GNL1: variants seen among roughly 807,000 people sequenced by gnomAD.
GNL1 encodes the protein G protein nucleolar 1.
Under a neutral mutation model 75.2 loss-of-function variants are expected in GNL1, and 21 were observed. That is an observed-to-expected ratio of 0.28 (90% confidence interval 0.20 to 0.40). The LOEUF is 0.40. Among genes scored for constraint, GNL1 ranks in the 10% least tolerant of loss-of-function variants. The probability of loss-of-function intolerance (pLI) is 1.00; values close to 1 mark genes in which losing one functional copy is unlikely to be tolerated. For synonymous variants in GNL1, 287 were observed against 303.4 expected (o/e 0.95, Z 0.56); for missense variants, 579 against 775.0 (o/e 0.75, Z 3.00).
At position 30,543,125 on chromosome 6, in the gene GNL1, A is replaced by C. The variant is rs1270193338; in HGVS notation, c.*2947T>G. 2.0e-5 allele frequency: 3 copies of C among 152,284 alleles called. No homozygotes were observed. The highest frequency in any genetic ancestry group is 4.8e-5 in the African/African-American group (2 of 41,438). The allele number at this position is 152,284 out of a possible 1,614,324, so 9.4% of individuals were successfully genotyped here. ...AGGACGCTTCCCCTGATTCACCAAG[A>C]CCAGCTTAACTGCCCCTACTGGCTG... is the stretch of plus-strand genomic sequence containing the variant. On this transcript the variant is annotated 3_prime_UTR_variant, in exon 12 of 12. Coordinates refer to ENST00000376621, the MANE Select transcript of GNL1 (RefSeq NM_005275.5).
Position 30,555,679 on chromosome 6 carries a change from C to T in GNL1, c.115G>A (p.Gly39Arg), listed in dbSNP as rs1488014490. ...TGTTCCTCTCGCCGCTCCCGGCTCC[C>T]GCTGCGGCTGTTGGAACTGGAGCGC... ...GLRSSSNSRSGSRERREEQTD... is the reference protein window; with the variant it reads ...GLRSSSNSRSRSRERREEQTD... Residue 39 changes from glycine (G) to arginine (R), a missense_variant, in exon 2 of 12, where the codon GGG becomes AGG. By Grantham distance (125) the Gly-to-Arg change is moderately radical. Transcript: ENST00000376621. The surrounding 1 kb of genome is among the most constrained non-coding windows in gnomAD (Gnocchi z 4.3). 2.5e-6 allele frequency: 4 copies of T among 1,613,724 alleles called. No individual in the cohort carries two copies. Among genetic ancestry groups the T allele is most frequent in the Admixed American group, 3.3e-5 (2 of 59,998 alleles).
chr6:30,550,526 CTTAT>C (rs950489851), intron 8 of GNL1, among the ~76,000 whole-genome samples: 20 of 152,288 alleles, frequency 1.3e-4, no homozygotes, highest in Admixed American at 1.3e-3. Context: ...CTAAGCAACT[CTTAT>C]TTCTCTCCTA....
In GNL1 at chr6:30,552,195, G is replaced by A; in HGVS notation, c.1099+272C>T. 1 of 459,172 alleles carries A rather than the reference G, an allele frequency of 2.2e-6. No individual in the cohort carries two copies. The allele number at this position is 459,172 out of a possible 1,614,324, so 28.4% of individuals were successfully genotyped here. A position where few individuals can be genotyped will look rare whatever the true frequency, so the allele number is the denominator to read the frequency against. On this transcript the variant is annotated intron_variant, in intron 8 of 11. Transcript: ENST00000376621. This position sits in a 1 kb window ranked among gnomAD's most constrained non-coding sequence, Gnocchi z 4.5. ...TCCATTCTTTTACTCAGGTATCAAT[G>A]TCCTTATTTTTAAAATCAAAGTAAC...
chr6:30,552,764 G>T lies in GNL1; in HGVS notation c.905-103C>A. On this transcript the variant is annotated intron_variant, in intron 7 of 11. Coordinates refer to ENST00000376621, the MANE Select transcript of GNL1 (RefSeq NM_005275.5). This position sits in a 1 kb window ranked among gnomAD's most constrained non-coding sequence, Gnocchi z 4.5. Reference sequence around the variant, plus strand: ...GATTATGTAACTGGCACCCTCTGGAGTTGTACAGTGCCAACCTAAATAAGA... The same window carrying T: ...GATTATGTAACTGGCACCCTCTGGATTTGTACAGTGCCAACCTAAATAAGA... The T allele has an allele frequency of 9.6e-7, 1 of 1,038,740 alleles. No homozygotes were observed. Among genetic ancestry groups the T allele is most frequent in the Non-Finnish European group, 1.4e-6 (1 of 712,106 alleles). 64.3% of individuals were successfully genotyped at this position (1,038,740 alleles called of 1,614,324 possible).
At position 30,552,788 on chromosome 6, in the gene GNL1, G is replaced by C. The variant is rs1799876754; in HGVS notation, c.905-127C>G. The stretch of plus-strand genomic sequence containing the variant: ...AGTTGTACAGTGCCAACCTAAATAA[G>C]AGCAGGTCAGAGAATCTCCCAAAAG... On this transcript the variant is annotated intron_variant, in intron 7 of 11. Coordinates refer to ENST00000376621, the MANE Select transcript of GNL1 (RefSeq NM_005275.5). The surrounding 1 kb of genome is among the most constrained non-coding windows in gnomAD (Gnocchi z 4.5). 1.3e-6 allele frequency: 1 copy of C among 793,434 alleles called. No homozygotes were observed. Among genetic ancestry groups the C allele is most frequent in the South Asian group, 1.8e-5 (1 of 54,928 alleles). The allele number at this position is 793,434 out of a possible 1,614,324, so 49.1% of individuals were successfully genotyped here.
chr6:30,553,615 T>C, intron 5 of GNL1, 58 bp from the exon 6 acceptor site: 1 of 1,184,120 alleles, frequency 8.4e-7, no homozygotes, highest in South Asian at 1.2e-5. Flanking sequence ...GTTCTCTGCC[T>C]CCAGCTCCCC....
At chr6:30,553,048 A>G in intron 7 of GNL1, 36 bp downstream of exon 7, 4 of 1,382,024 alleles carry the variant, frequency 2.9e-6, no homozygotes, top group Non-Finnish European at 4.1e-6. Context: ...GGTCTCCCCC[A>G]TGTCCTCCTA....
rs1800189308 is a variant in GNL1, at chr6:30,556,313, GC to G, written c.-111del. The G allele has an allele frequency of 7.9e-7, 1 of 1,272,538 alleles. No homozygotes were observed. The allele number at this position is 1,272,538 out of a possible 1,614,324, so 78.8% of individuals were successfully genotyped here. On this transcript the variant is annotated 5_prime_UTR_variant, in exon 1 of 12. Coordinates refer to ENST00000376621, the MANE Select transcript of GNL1 (RefSeq NM_005275.5). The surrounding 1 kb of genome is among the most constrained non-coding windows in gnomAD (Gnocchi z 5.7). ...GGCCCGGGACCCTAGAGGAGGCGGG[GC>G]TAGCAGGTGACGTCAGCGGGCGGGC... is the stretch of plus-strand genomic sequence containing the variant.
rs1373617435 is a variant in GNL1 at position 30,547,391 on chromosome 6, T to C, written c.1239A>G (p.Pro413=). The C allele has an allele frequency of 2.5e-6, 4 of 1,613,370 alleles. No homozygotes were observed. Among genetic ancestry groups the C allele is most frequent in the Middle Eastern group, 1.7e-4 (1 of 6,056 alleles). ...GCAGAAGAGATGGGAAGATGAGGCCTGGGCAGTCACAGAGCTTCACAGAGG... is the reference window on the plus strand; with the variant it reads ...GCAGAAGAGATGGGAAGATGAGGCCCGGGCAGTCACAGAGCTTCACAGAGG... ...LTPSVKLCDC[P]GLIFPSLLPR... is the part of the protein sequence containing the mutation. The change falls in exon 9 of 12, where the codon CCA becomes CCG. Residue 413 remains proline (P), a synonymous_variant. Coordinates refer to ENST00000376621, the MANE Select transcript of GNL1 (RefSeq NM_005275.5). The surrounding 1 kb of genome is among the most constrained non-coding windows in gnomAD (Gnocchi z 5.5).
Position 30,542,064 on chromosome 6 carries a change from TTTTC to T in GNL1, c.*4004_*4007del, listed in dbSNP as rs1012578827. 1.3e-5 allele frequency: 2 copies of T among 152,344 alleles called. No homozygotes were observed. Among genetic ancestry groups the T allele is most frequent in the Non-Finnish European group, 2.9e-5 (2 of 68,070 alleles). The allele number at this position is 152,344 out of a possible 1,614,324, so 9.4% of individuals were successfully genotyped here. ...TGCATATACTCTGCTCCCTCCATTT[TTTTC>T]TTTCATTGCAATCACTGCCAAACAT... On this transcript the variant is annotated 3_prime_UTR_variant, in exon 12 of 12. Coordinates refer to ENST00000376621, the MANE Select transcript of GNL1 (RefSeq NM_005275.5). The surrounding 1 kb of genome is among the most constrained non-coding windows in gnomAD (Gnocchi z 4.5).
chr6:30,547,441 A>G lies in GNL1; in HGVS notation c.1189T>C (p.Tyr397His). 1 of 1,614,088 alleles carries G rather than the reference A, an allele frequency of 6.2e-7. No homozygotes were observed. Among genetic ancestry groups the G allele is most frequent in the Non-Finnish European group, 8.5e-7 (1 of 1,179,974 alleles). ...GGGGTAAGAAAGTAGGTCTGAAAGT[A>G]TCGGGTATGGCCCGGGGTTCTGGAG... ...SVSRTPGHTR[Y>H]FQTYFLTPSV... The change falls in exon 9 of 12, where the codon TAC becomes CAC. Residue 397 changes from tyrosine (Y) to histidine (H), a missense_variant. By Grantham distance (83) the Tyr-to-His change is moderately conservative (BLOSUM62 2). Coordinates refer to ENST00000376621, the MANE Select transcript of GNL1 (RefSeq NM_005275.5). The surrounding 1 kb of genome is among the most constrained non-coding windows in gnomAD (Gnocchi z 5.5).
At position 30,553,090 on chromosome 6, in the gene GNL1, C is replaced by T; in HGVS notation, c.898G>A (p.Gly300Arg). The T allele has an allele frequency of 6.2e-7, 1 of 1,609,824 alleles. No homozygotes were observed. The highest frequency in any genetic ancestry group is 8.5e-7 in the Non-Finnish European group (1 of 1,176,222). ...TCCTCTAAGGGCCACATACCTTTCC[C>T]CACAGTGATGGCTTCACAGGCTCTC... ...LLRACEAITV[G>R]KVDLSSWREK... The change falls in exon 7 of 12, where the codon GGG becomes AGG. Residue 300 changes from glycine (G) to arginine (R), a missense_variant. Gly to Arg is a moderately radical substitution (Grantham distance 125). Transcript: ENST00000376621.
rs1800198553 is a variant in GNL1 at position 30,556,389 on chromosome 6, T to C, written c.-186A>G. 3 of 633,422 alleles carry C rather than the reference T, an allele frequency of 4.7e-6. No homozygotes were observed. Among genetic ancestry groups the C allele is most frequent in the Non-Finnish European group, 8.3e-6 (3 of 363,528 alleles). The allele number at this position is 633,422 out of a possible 1,614,324, so 39.2% of individuals were successfully genotyped here. A position where few individuals can be genotyped will look rare whatever the true frequency, so the allele number is the denominator to read the frequency against. The stretch of plus-strand genomic sequence containing the variant: ...CGATGGAAGGCGGACGGGGGAGATA[T>C]AGTCACTTCCCTCCAGGAGCGAGGC... On this transcript the variant is annotated 5_prime_UTR_variant, in exon 1 of 12. Transcript: ENST00000376621. This position sits in a 1 kb window ranked among gnomAD's most constrained non-coding sequence, Gnocchi z 5.7.
chr6:30,546,715 T>C lies in GNL1; in HGVS notation c.1563A>G (p.Pro521=). 6.2e-7 allele frequency: 1 copy of C among 1,609,924 alleles called. No individual in the cohort carries two copies. Among genetic ancestry groups the C allele is most frequent in the Non-Finnish European group, 8.5e-7 (1 of 1,177,596 alleles). The change falls in exon 11 of 12, where the codon CCA becomes CCG. Residue 521 remains proline, a synonymous_variant. Transcript: ENST00000376621. The surrounding 1 kb of genome is among the most constrained non-coding windows in gnomAD (Gnocchi z 5.1). ...DGRLSLCFHP[P]GYSEQKGTWE... Reference sequence around the variant, plus strand: ...TCTGACCTTTCTGTTCACTGTAGCCTGGGGGATGAAAACACAGGCTGAGGC... The same window carrying C: ...TCTGACCTTTCTGTTCACTGTAGCCCGGGGGATGAAAACACAGGCTGAGGC...
chr6:30,555,432 G>A lies in GNL1; in HGVS notation c.239+123C>T. 9.5e-7 allele frequency: 1 copy of A among 1,053,060 alleles called. No individual in the cohort carries two copies. Among genetic ancestry groups the A allele is most frequent in the Non-Finnish European group, 1.4e-6 (1 of 715,792 alleles). The allele number at this position is 1,053,060 out of a possible 1,614,324, so 65.2% of individuals were successfully genotyped here. On this transcript the variant is annotated intron_variant, in intron 2 of 11. Coordinates refer to ENST00000376621, the MANE Select transcript of GNL1 (RefSeq NM_005275.5). The surrounding 1 kb of genome is among the most constrained non-coding windows in gnomAD (Gnocchi z 4.3). ...TGTGGCCCGCTGTGGGGAGCCGAGT[G>A]GCTAGCGGAGAACTGTGGCATCCCA...
In GNL1 at chr6:30,547,308, T is replaced by G; in HGVS notation, c.1279-34A>C. ...AATGAGCACTCAGTACTTTCCTCAATGTCCCACCTTCTCTCTTTCCCTTAC... is the reference window on the plus strand; with the variant it reads ...AATGAGCACTCAGTACTTTCCTCAAGGTCCCACCTTCTCTCTTTCCCTTAC... On this transcript the variant is annotated intron_variant, in intron 9 of 11. Transcript: ENST00000376621. The surrounding 1 kb of genome is among the most constrained non-coding windows in gnomAD (Gnocchi z 5.5). 1 of 1,580,938 alleles carries G rather than the reference T, an allele frequency of 6.3e-7. No homozygotes were observed. The highest frequency in any genetic ancestry group is 8.6e-7 in the Non-Finnish European group (1 of 1,163,096).
Position 30,553,535 on chromosome 6 carries a change from A to C in GNL1, c.623T>G (p.Leu208Arg). 4 of 1,612,632 alleles carry C rather than the reference A, an allele frequency of 2.5e-6. No homozygotes were observed. The highest frequency in any genetic ancestry group is 3.4e-6 in the Non-Finnish European group (4 of 1,179,640). ...AAGTTCTCCAGTCACATACTCATAA[A>C]GTGCTGGCGGGAAATTCACAACCTA... ...RHPVVNFPPA[L>R]YEYVTGELGL... Residue 208 changes from leucine to arginine, a missense_variant, in exon 6 of 12, where the codon CTT becomes CGT. Leu to Arg is a moderately radical substitution (Grantham distance 102). Transcript: ENST00000376621.
At chr6:30,549,457 T>C (rs1799638639) in intron 8 of GNL1, among the ~76,000 whole-genome samples, 1 of 152,212 alleles carries the variant, frequency 6.6e-6, no homozygotes, top group Non-Finnish European at 1.5e-5. Flanking sequence ...GAACTGAAAT[T>C]GTGCAGTATG....
Position 30,555,459 on chromosome 6 carries a change from GCCCA to G in GNL1, c.239+92_239+95del, listed in dbSNP as rs1232676929. On this transcript the variant is annotated intron_variant, in intron 2 of 11. Coordinates refer to ENST00000376621, the MANE Select transcript of GNL1 (RefSeq NM_005275.5). The surrounding 1 kb of genome is among the most constrained non-coding windows in gnomAD (Gnocchi z 4.3). Reference sequence around the variant, plus strand: ...CTAGCGGAGAACTGTGGCATCCCAGGCCCACCGTCTTCACCAGTAGCAGCCCGCT... The same window carrying G: ...CTAGCGGAGAACTGTGGCATCCCAGGCCGTCTTCACCAGTAGCAGCCCGCT... The G allele has an allele frequency of 5.6e-6, 7 of 1,253,946 alleles. No homozygotes were observed. In the African/African-American group the frequency reaches 8.9e-5, roughly 16 times the overall value. 77.7% of individuals were successfully genotyped at this position (1,253,946 alleles called of 1,614,324 possible).
Sources: allele counts gnomAD v4.1 joint callset (sites outside exome capture counted in the v4.1 genomes callset), GRCh38; gene constraint gnomAD v4.1.1; non-coding constraint Gnocchi (gnomAD v3.1); transcripts MANE v1.5; gene names NCBI Gene and HGNC (gene_info 2026-07-23, HGNC 2026-07-21).